The following GET1 variants were observed in gnomAD, a reference collection of about 807,000 sequenced individuals.
GET1 encodes the protein guided entry of tail-anchored proteins factor 1.
A neutral mutation model predicts 22.6 loss-of-function variants in GET1; 20 were observed. The observed-to-expected ratio is 0.89, with a 90% confidence interval of 0.62 to 1.29. The LOEUF (loss-of-function observed/expected upper bound fraction) is 1.29, where lower values mean the gene tolerates loss of function less well. Ranked by LOEUF, GET1 falls within the 50% of genes most tolerant of loss-of-function variation. The pLI is 0.00. For synonymous variants in GET1, 92 were observed against 83.8 expected (o/e 1.10, Z -0.53); for missense variants, 209 against 219.9 (o/e 0.95, Z 0.31).
chr21:39,405,974 T>C, exon 5 of GET1: 4 of 1,612,902 alleles, frequency 2.5e-6, no homozygotes, highest in Non-Finnish European at 3.4e-6. Flanking sequence ...GCATGGCTGG[T>C]GGAGGCCTGA....
chr21:39,395,687 C>T lies in GET1; in HGVS notation c.452-1179C>T, dbSNP rs192333124. 2.6e-4 allele frequency among the ~76,000 whole-genome samples: 40 copies of T among 152,228 alleles called. 1 individual carries two copies. The East Asian group carries it at 7.0e-3, about 26-fold the overall frequency. ...CCAGGAATGGCTGTTTCAAAGACTC[C>T]CAATTTAGCTACCACCCCTGTCCCC... On this transcript the variant is annotated intron_variant, in intron 4 of 4. Coordinates refer to ENST00000649170, the MANE Select transcript of GET1 (RefSeq NM_004627.6).
chr21:39,424,178 A>G (rs2074243516), intron 1 of GET1, among the ~76,000 whole-genome samples: 1 of 151,818 alleles, frequency 6.6e-6, no homozygotes, highest in African/African-American at 2.4e-5. Context: ...ATGCCCTGCT[A>G]ATTTTTGTAT....
chr21:39,404,750 C>CAAAAAAAAAAAAAA (rs748914343), intron 4 of GET1, among the ~76,000 whole-genome samples: 1 of 88,168 alleles, frequency 1.1e-5, no homozygotes, highest in African/African-American at 4.6e-5. Context: ...GAGACACTGT[C>CAAAAAAAAAAAAAA]AAAAAAAAAA....
At position 39,387,829 on chromosome 21, in the gene GET1, C is replaced by G. The variant is rs1161261811; in HGVS notation, c.103-2869C>G. ...CCAAGCTCTAAATGGAGAGTTGTCC[C>G]TACTGTGCGGCAGGCGGAGGAGACC... On this transcript the variant is annotated intron_variant, in intron 1 of 4. Transcript: ENST00000649170. 3 of 985,638 alleles carry G rather than the reference C, an allele frequency of 3.0e-6. No individual in the cohort carries two copies. The African/African-American group carries it at 5.3e-5, about 17-fold the overall frequency. 61.1% of individuals were successfully genotyped at this position (985,638 alleles called of 1,614,324 possible). A position where few individuals can be genotyped will look rare whatever the true frequency, so the allele number is the denominator to read the frequency against.
chr21:39,406,228 C>T (rs745766149), exon 5 of GET1: 1 of 1,614,170 alleles, frequency 6.2e-7, no homozygotes, highest in East Asian at 2.2e-5. Flanking sequence ...GAGATGCTTG[C>T]CTGTACTATG....
chr21:39,421,631 A>G (rs2073785845), intron 1 of GET1: 1 of 152,196 alleles, frequency 6.6e-6, no homozygotes, highest in African/African-American at 2.4e-5. Context: ...CAGAAAGCTT[A>G]CCAAAAGGAC....
intron 1 of GET1, among the ~76,000 whole-genome samples, chr21:39,414,734 C>CTGTGTGTGTGTG (rs1446676855): frequency 2.0e-4 from 21 of 103,256 alleles, no homozygotes; most frequent in African/African-American, 7.4e-4. Context: ...CTCTCTCTCT[C>CTGTGTGTGTGTG]TCTCTCTCTG....
intron 1 of GET1, chr21:39,380,780 C>T (rs1342770605): frequency 4.0e-5 from 44 of 1,108,822 alleles, no homozygotes; most frequent in Non-Finnish European, 4.7e-5. Context: ...GCCCCGCTGT[C>T]AGCCTCGTTT....
intron 2 of GET1, 114 bp from the exon 3 acceptor site, chr21:39,391,655 G>T (rs1483903070): frequency 3.0e-6 from 3 of 1,008,200 alleles, no homozygotes; most frequent in Non-Finnish European, 4.4e-6. Context: ...TTGAGCGATT[G>T]TTCCATTTAT....
chr21:39,391,219 C>G (rs903197815), intron 2 of GET1: 4 of 234,680 alleles, frequency 1.7e-5, no homozygotes, highest in Non-Finnish European at 3.4e-5. Flanking sequence ...TTTTGTTCCA[C>G]TCTCTAGAAA....
rs1246609181 is a variant in GET1, at chr21:39,380,763, T to C, written c.102+277T>C. 3.5e-6 allele frequency: 4 copies of C among 1,150,740 alleles called. 1 individual carries two copies. In the African/African-American group the frequency reaches 6.3e-5, roughly 18 times the overall value. The allele number at this position is 1,150,740 out of a possible 1,614,324, so 71.3% of individuals were successfully genotyped here. On this transcript the variant is annotated intron_variant, in intron 1 of 4. Coordinates refer to ENST00000649170, the MANE Select transcript of GET1 (RefSeq NM_004627.6). ...CGGCGGCGAACCTCACACTGGGAGT[T>C]CCTAGTGCCCCGCTGTCAGCCTCGT...
intron 1 of GET1, chr21:39,423,574 C>G: frequency 8.4e-7 from 1 of 1,184,090 alleles, no homozygotes; most frequent in Non-Finnish European, 1.2e-6. Context: ...CTCTCCCATG[C>G]CCCCATGCAC....
chr21:39,380,512 G>T, intron 1 of GET1, 26 bp downstream of exon 1: 1 of 1,596,226 alleles, frequency 6.3e-7, no homozygotes, highest in Middle Eastern at 1.7e-4. Flanking sequence ...GCCTCCCAAG[G>T]GCCGGTGGGG....
intron 1 of GET1, chr21:39,387,989 A>C: frequency 2.5e-6 from 1 of 398,390 alleles, no homozygotes; most frequent in Non-Finnish European, 3.4e-6. Flanking sequence ...GAAAAGTTAT[A>C]TACAGTCAAT....
At chr21:39,409,142 A>C (rs772441720), downstream of GET1, among the ~76,000 whole-genome samples, 1 of 152,148 alleles carries the variant, frequency 6.6e-6, no homozygotes, top group Non-Finnish European at 1.5e-5. This position sits in a 1 kb window ranked among gnomAD's most constrained non-coding sequence, Gnocchi z 4.2. Flanking sequence ...TTATAAAAAG[A>C]AACACTGGAG....
intron 1 of GET1, among the ~76,000 whole-genome samples, chr21:39,415,313 A>G (rs558068969): frequency 6.6e-6 from 1 of 152,222 alleles, no homozygotes; most frequent in Non-Finnish European, 1.5e-5. Context: ...TTAAAAATGC[A>G]TAAAATATGT....
chr21:39,406,231 G>A (rs2039052015), exon 5 of GET1: 2 of 1,614,114 alleles, frequency 1.2e-6, no homozygotes, highest in Admixed American at 1.7e-5. Flanking sequence ...ATGCTTGCCT[G>A]TACTATGACT....
intron 1 of GET1, among the ~76,000 whole-genome samples, chr21:39,418,055 C>T (rs372165118): frequency 1.4e-4 from 22 of 152,188 alleles, no homozygotes; most frequent in African/African-American, 4.6e-4. Flanking sequence ...CGTGAGCCAC[C>T]GCGCCCAGCG....
At chr21:39,385,909 CTG>C (rs2037861426) in intron 1 of GET1, among the ~76,000 whole-genome samples, 1 of 152,186 alleles carries the variant, frequency 6.6e-6, no homozygotes, top group Non-Finnish European at 1.5e-5. Context: ...ACCGCATACA[CTG>C]TGCAGGCGCC....
Sources: allele counts gnomAD v4.1 joint callset (sites outside exome capture counted in the v4.1 genomes callset), GRCh38; gene constraint gnomAD v4.1.1; non-coding constraint Gnocchi (gnomAD v3.1); transcripts MANE v1.5; gene names NCBI Gene and HGNC (gene_info 2026-07-23, HGNC 2026-07-21).